The following TEK variants were observed in gnomAD, a reference collection of about 807,000 sequenced individuals.
TEK encodes the protein TEK receptor tyrosine kinase.
TEK carries 43 observed loss-of-function variants against 131.8 expected under a neutral mutation model. The observed-to-expected ratio is 0.33, with a 90% CI of 0.26 to 0.42. The LOEUF is 0.42. TEK is among the 10% of genes least tolerant of loss of function. The pLI is 1.00. For synonymous variants in TEK, 580 were observed against 491.6 expected (o/e 1.18, Z -2.38); for missense variants, 1,162 against 1,384.4 (o/e 0.84, Z 2.55).
chr9:27,119,458 ATT>A (rs1296636376), intron 1 of TEK, among the ~76,000 whole-genome samples: 1 of 152,180 alleles, frequency 6.6e-6, no homozygotes, highest in Non-Finnish European at 1.5e-5. Flanking sequence ...TTCAAAGCAC[ATT>A]TTTATCCACG....
intron 4 of TEK, among the ~76,000 whole-genome samples, chr9:27,171,623 G>C (rs187905474): frequency 1.3e-5 from 2 of 152,296 alleles, no homozygotes; most frequent in Admixed American, 1.3e-4. Flanking sequence ...CTTGAGTCGA[G>C]GGGAATCTTT....
chr9:27,154,800 A>G (rs1254478103), intron 1 of TEK, among the ~76,000 whole-genome samples: 1 of 152,190 alleles, frequency 6.6e-6, no homozygotes, highest in Non-Finnish European at 1.5e-5. Context: ...ATGCTGAACA[A>G]GGGTAGCGAA....
intron 5 of TEK, 21 bp downstream of exon 5, chr9:27,172,768 A>G (rs2131148978): frequency 6.2e-7 from 1 of 1,612,906 alleles, no homozygotes; most frequent in South Asian, 1.1e-5. Context: ...AGACTTGATA[A>G]GTAAGCTGTG....
chr9:27,119,585 G>T (rs1321427900), intron 1 of TEK, among the ~76,000 whole-genome samples: 1 of 152,142 alleles, frequency 6.6e-6, no homozygotes, highest in Non-Finnish European at 1.5e-5. Context: ...GGGTTCTTGG[G>T]CTTCTGCTAA....
In TEK at chr9:27,180,511, C is replaced by G. The variant is rs534395703; in HGVS notation, c.1030+143C>G. 4.6e-4 allele frequency: 570 copies of G among 1,228,984 alleles called. 3 individuals carry two copies. The highest frequency in any genetic ancestry group is 2.6e-3 in the Middle Eastern group (10 of 3,806). The allele number at this position is 1,228,984 out of a possible 1,614,324, so 76.1% of individuals were successfully genotyped here. Reference sequence around the variant, plus strand: ...AAGTTGGGAATAGTTTATCCTAAATCCTAAAGCACAGCATTTTAATTCTGC... The same window carrying G: ...AAGTTGGGAATAGTTTATCCTAAATGCTAAAGCACAGCATTTTAATTCTGC... On this transcript the variant is annotated intron_variant, in intron 7 of 22. Coordinates refer to ENST00000380036, the MANE Select transcript of TEK (RefSeq NM_000459.5).
chr9:27,109,300 T>A lies in TEK; in HGVS notation c.-291T>A. On this transcript the variant is annotated 5_prime_UTR_variant, in exon 1 of 23. The change abolishes an upstream ATG in the 5' untranslated region. Coordinates refer to ENST00000380036, the MANE Select transcript of TEK (RefSeq NM_000459.5). ...ATAAGTGTTTTGATGAATTGCGAGA[T>A]GGATAGGGCTTGAGTGCCCCCAGCC... The A allele has an allele frequency of 1.9e-6, 1 of 538,850 alleles. No individual in the cohort carries two copies. Among genetic ancestry groups the A allele is most frequent in the South Asian group, 3.0e-5 (1 of 33,738 alleles). 33.4% of individuals were successfully genotyped at this position (538,850 alleles called of 1,614,324 possible). A position where few individuals can be genotyped will look rare whatever the true frequency, so the allele number is the denominator to read the frequency against.
chr9:27,143,434 C>T (rs1435599578), intron 1 of TEK, among the ~76,000 whole-genome samples: 1 of 152,066 alleles, frequency 6.6e-6, no homozygotes, highest in African/African-American at 2.4e-5. Flanking sequence ...AGGGAGGGGG[C>T]ACACCTTGTC....
chr9:27,187,127 G>A (rs911919835), intron 9 of TEK, among the ~76,000 whole-genome samples: 2 of 152,126 alleles, frequency 1.3e-5, no homozygotes, highest in African/African-American at 4.8e-5. Context: ...CAAACCATGT[G>A]GTGAATACAC....
intron 4 of TEK, among the ~76,000 whole-genome samples, chr9:27,171,655 C>T (rs568620602): frequency 6.6e-6 from 1 of 152,250 alleles, no homozygotes; most frequent in Admixed American, 6.5e-5. Flanking sequence ...AGACCTATTT[C>T]CTTCTGGATG....
chr9:27,150,144 A>G (rs967576428), intron 1 of TEK, among the ~76,000 whole-genome samples: 2 of 152,120 alleles, frequency 1.3e-5, no homozygotes, highest in African/African-American at 4.8e-5. Flanking sequence ...CCAGATGTAT[A>G]TACATTCCAT....
chr9:27,182,207 T>C (rs1824403732), intron 7 of TEK, among the ~76,000 whole-genome samples: 1 of 152,162 alleles, frequency 6.6e-6, no homozygotes, highest in Non-Finnish European at 1.5e-5. Flanking sequence ...GATGGGAGAA[T>C]CTAAGACAGG....
At chr9:27,154,086 A>T (rs1823232767) in intron 1 of TEK, among the ~76,000 whole-genome samples, 1 of 152,216 alleles carries the variant, frequency 6.6e-6, no homozygotes, top group African/African-American at 2.4e-5. Context: ...TGAGACATAA[A>T]GGGACATATA....
At chr9:27,148,055 T>C (rs1402618961) in intron 1 of TEK, among the ~76,000 whole-genome samples, 1 of 104,212 alleles carries the variant, frequency 9.6e-6, no homozygotes, top group East Asian at 2.0e-4. Context: ...GAGGATTGAG[T>C]TATTATGTGT....
At chr9:27,213,705 T>A in intron 18 of TEK, 108 bp downstream of exon 18, 1 of 830,936 alleles carries the variant, frequency 1.2e-6, no homozygotes, top group Non-Finnish European at 2.1e-6. Context: ...AGCATCTGAC[T>A]GTATGTCCCA....
In TEK at chr9:27,202,908, T is replaced by C; in HGVS notation, c.1998T>C (p.Ser666=). 1 of 1,614,216 alleles carries C rather than the reference T, an allele frequency of 6.2e-7. No homozygotes were observed. The highest frequency in any genetic ancestry group is 2.2e-5 in the East Asian group (1 of 44,888). ...VISWTILDGY[S]ISSITIRYKV... ...CTTGGACAATATTGGATGGCTATTC[T>C]ATTTCTTCTATTACTATCCGTTACA... Residue 666 remains serine, a synonymous_variant, in exon 13 of 23, where the codon TCT becomes TCC. Coordinates refer to ENST00000380036, the MANE Select transcript of TEK (RefSeq NM_000459.5).
intron 1 of TEK, 66 bp from the exon 2 acceptor site, chr9:27,157,765 C>T: frequency 6.5e-7 from 1 of 1,547,562 alleles, no homozygotes; most frequent in Non-Finnish European, 8.9e-7. Flanking sequence ...TTTGTGAGCA[C>T]CAGTTTACCC....
At chr9:27,163,323 CTAGT>C (rs1823612879) in intron 2 of TEK, among the ~76,000 whole-genome samples, 1 of 152,054 alleles carries the variant, frequency 6.6e-6, no homozygotes, top group Non-Finnish European at 1.5e-5. Flanking sequence ...AACACCCAAT[CTAGT>C]AGGGGATATA....
At chr9:27,175,083 C>G (rs1230845992) in intron 6 of TEK, among the ~76,000 whole-genome samples, 1 of 148,032 alleles carries the variant, frequency 6.8e-6, no homozygotes, top group Non-Finnish European at 1.5e-5. Flanking sequence ...GTGTGCTGCA[C>G]CCATCAACTC....
intron 7 of TEK, among the ~76,000 whole-genome samples, chr9:27,181,427 G>T (rs549683078): frequency 7.0e-4 from 106 of 152,232 alleles, no homozygotes; most frequent in African/African-American, 2.2e-3. Flanking sequence ...TTGTTCAAGG[G>T]TCAACCATAT....
Sources: allele counts gnomAD v4.1 joint callset (sites outside exome capture counted in the v4.1 genomes callset), GRCh38; gene constraint gnomAD v4.1.1; transcripts MANE v1.5; gene names NCBI Gene and HGNC (gene_info 2026-07-23, HGNC 2026-07-21).